Variants in CTSA observed in about 807,000 individuals in gnomAD.
The protein encoded by CTSA is cathepsin A.
A neutral mutation model predicts 66.7 loss-of-function variants in CTSA; 42 were observed. That is an observed-to-expected ratio of 0.63 (90% CI 0.49 to 0.81). The LOEUF (loss-of-function observed/expected upper bound fraction) is 0.81, where lower values mean the gene tolerates loss of function less well. CTSA is among the 40% of genes least tolerant of loss of function. The pLI is 0.00. For missense variants in CTSA, 525 were observed against 610.9 expected, an observed-to-expected ratio of 0.86 and a Z score of 1.48; for synonymous variants, 225 against 248.6, an observed-to-expected ratio of 0.91 and a Z score of 0.89.
intron 10 of CTSA, 23 bp from the exon 11 acceptor site, chr20:45,894,971 G>C: frequency 1.2e-6 from 2 of 1,614,152 alleles, no homozygotes; most frequent in Non-Finnish European, 1.7e-6. Flanking sequence ...CAGAGGCCCT[G>C]ACCCACTGTC....
In CTSA at chr20:45,891,584, C is replaced by T; in HGVS notation, c.16C>T (p.Pro6Ser). Residue 6 changes from proline (P) to serine (S), a missense_variant, in exon 2 of 15, where the codon CCG (proline) becomes TCG (serine). Pro to Ser is a moderately conservative substitution (Grantham distance 74, BLOSUM62 -1). Coordinates refer to ENST00000646241, the MANE Select transcript of CTSA (RefSeq NM_000308.4). This position sits in a 1 kb window ranked among gnomAD's most constrained non-coding sequence, Gnocchi z 4.6. ...CCTCCCGTAGATGATCCGAGCCGCG[C>T]CGCCGCCGCTGTTCCTGCTGCTGCT... is the stretch of plus-strand genomic sequence containing the variant. The part of the protein sequence containing the change: MIRAA[P>S]PPLFLLLLLL... 1 of 1,585,090 alleles carries T rather than the reference C, an allele frequency of 6.3e-7. No homozygotes were observed. The highest frequency in any genetic ancestry group is 8.5e-7 in the Non-Finnish European group (1 of 1,172,690).
Position 45,892,409 on chromosome 20 carries a change from G to C in CTSA, c.369G>C (p.Val123=). 6.2e-7 allele frequency: 1 copy of C among 1,614,200 alleles called. No individual in the cohort carries two copies. Among genetic ancestry groups the C allele is most frequent in the Non-Finnish European group, 8.5e-7 (1 of 1,180,038 alleles). The part of the protein sequence containing the change: ...NPYSWNLIAN[V]LYLESPAGVG... ...TCCCTCCCCTCTAGATTGCCAATGT[G>C]TTATACCTGGAGTCCCCAGCTGGGG... The change falls in exon 5 of 15, where the codon GTG becomes GTC. Residue 123 remains valine (V), a synonymous_variant. Coordinates refer to ENST00000646241, the MANE Select transcript of CTSA (RefSeq NM_000308.4).
At chr20:45,892,162 T>C in intron 3 of CTSA, 111 bp from the exon 4 acceptor site, 1 of 1,439,690 alleles carries the variant, frequency 6.9e-7, no homozygotes, top group Non-Finnish European at 9.8e-7. Context: ...TTGGCTTTGC[T>C]GCCTGTACCT....
At chr20:45,893,918 G>A (rs935129084) in intron 7 of CTSA, 70 bp from the exon 8 acceptor site, 16 of 926,590 alleles carry the variant, frequency 1.7e-5, no homozygotes, top group Middle Eastern at 2.3e-4. Flanking sequence ...GAGGTGGGGG[G>A]TATGCTCGCC....
chr20:45,896,807 G>T, intron 11 of CTSA, 158 bp from the exon 12 acceptor site: 1 of 694,086 alleles, frequency 1.4e-6, no homozygotes, highest in Non-Finnish European at 2.6e-6. Flanking sequence ...CAACATCCAA[G>T]TCAGTCCTAG....
intron 7 of CTSA, 133 bp from the exon 8 acceptor site, chr20:45,893,855 G>T: frequency 1.3e-6 from 1 of 743,028 alleles, no homozygotes; most frequent in South Asian, 1.4e-5. Flanking sequence ...ATGACATACA[G>T]ACCACACCCT....
Position 45,898,309 on chromosome 20 carries a change from C to CAA in CTSA, c.1360-57_1360-56insAA. 2.1e-6 allele frequency: 3 copies of CAA among 1,456,872 alleles called. No homozygotes were observed. The South Asian group carries it at 3.5e-5, about 17-fold the overall frequency. 90.2% of individuals were successfully genotyped at this position (1,456,872 alleles called of 1,614,324 possible). A position where few individuals can be genotyped will look rare whatever the true frequency, so the allele number is the denominator to read the frequency against. ...GATGAAGGAATTGCCCCCGAGTGAGCAGTTATATGGGGAGGAGGGAATGGT... is the reference window on the plus strand; with the variant it reads ...GATGAAGGAATTGCCCCCGAGTGAGCAAAGTTATATGGGGAGGAGGGAATGGT... On this transcript the variant is annotated intron_variant, in intron 14 of 14. Coordinates refer to ENST00000646241, the MANE Select transcript of CTSA (RefSeq NM_000308.4). The surrounding 1 kb of genome is among the most constrained non-coding windows in gnomAD (Gnocchi z 4.6).
chr20:45,898,503 G>A lies in CTSA; in HGVS notation c.*53G>A, dbSNP rs2083139043. 2.0e-6 allele frequency: 3 copies of A among 1,535,494 alleles called. No individual in the cohort carries two copies. Among genetic ancestry groups the A allele is most frequent in the Admixed American group, 1.7e-5 (1 of 59,038 alleles). On this transcript the variant is annotated 3_prime_UTR_variant, in exon 15 of 15. Coordinates refer to ENST00000646241, the MANE Select transcript of CTSA (RefSeq NM_000308.4). The surrounding 1 kb of genome is among the most constrained non-coding windows in gnomAD (Gnocchi z 4.6). ...GATGCAGCCCCTCCCAGCCTCTCCC[G>A]CTAGGAGAGTCCTCTTCTAAGCAAA...
In CTSA at chr20:45,891,804, G is replaced by C; in HGVS notation, c.194+42G>C. The C allele has an allele frequency of 6.2e-7, 1 of 1,613,234 alleles. No individual in the cohort carries two copies. On this transcript the variant is annotated intron_variant, in intron 2 of 14. Coordinates refer to ENST00000646241, the MANE Select transcript of CTSA (RefSeq NM_000308.4). The surrounding 1 kb of genome is among the most constrained non-coding windows in gnomAD (Gnocchi z 4.6). ...TCTGGGCGGGATTGGGAGAAGAGATGACGGATGAGGGATGGGGGGTAGTTC... is the reference window on the plus strand; with the variant it reads ...TCTGGGCGGGATTGGGAGAAGAGATCACGGATGAGGGATGGGGGGTAGTTC...
chr20:45,894,978 T>A lies in CTSA; in HGVS notation c.949-16T>A. ...CAGGGAAGCAGAGGCCCTGACCCAC[T>A]GTCTGTGCCTTCCAGGCACTGCTGC... is the stretch of plus-strand genomic sequence containing the variant. On this transcript the variant is annotated splice_polypyrimidine_tract_variant and intron_variant, in intron 10 of 14. Transcript: ENST00000646241. The A allele has an allele frequency of 6.2e-7, 1 of 1,614,152 alleles. No homozygotes were observed. The highest frequency in any genetic ancestry group is 8.5e-7 in the Non-Finnish European group (1 of 1,179,996).
chr20:45,891,451 T>C lies in CTSA; in HGVS notation c.-1+72T>C. On this transcript the variant is annotated intron_variant, in intron 1 of 14. Transcript: ENST00000646241. The surrounding 1 kb of genome is among the most constrained non-coding windows in gnomAD (Gnocchi z 4.6). ...GTGCGCGGCAGAGGAGGCTCGCGGG[T>C]GGGAGCTGGCGCTGGGGCCGGGGCT... 1 of 1,546,074 alleles carries C rather than the reference T, an allele frequency of 6.5e-7. No homozygotes were observed. The highest frequency in any genetic ancestry group is 8.7e-7 in the Non-Finnish European group (1 of 1,145,156).
In CTSA at chr20:45,898,260, T is replaced by C. The variant is rs2083134275; in HGVS notation, c.1360-107T>C. ...TTTTTTTGGAGAGGGGTGGGGAGGG[T>C]TCTGGGAAGAATAAAGGGTTTGGGA... On this transcript the variant is annotated intron_variant, in intron 14 of 14. Transcript: ENST00000646241. This position sits in a 1 kb window ranked among gnomAD's most constrained non-coding sequence, Gnocchi z 4.6. 2.3e-6 allele frequency: 3 copies of C among 1,323,576 alleles called. No individual in the cohort carries two copies. The Admixed American group carries it at 5.9e-5, about 26-fold the overall frequency. The allele number at this position is 1,323,576 out of a possible 1,614,324, so 82.0% of individuals were successfully genotyped here. A position where few individuals can be genotyped will look rare whatever the true frequency, so the allele number is the denominator to read the frequency against.
At chr20:45,896,340 G>T (rs1355006996) in intron 11 of CTSA, 1 of 176,366 alleles carries the variant, frequency 5.7e-6, no homozygotes, top group Non-Finnish European at 1.2e-5. Context: ...CTACCCTGTT[G>T]TATGTTGTGA....
At position 45,894,664 on chromosome 20, in the gene CTSA, C is replaced by G. The variant is rs1327699022; in HGVS notation, c.792C>G (p.Ala264=). The G allele has an allele frequency of 6.2e-7, 1 of 1,613,936 alleles. No individual in the cohort carries two copies. Among genetic ancestry groups the G allele is most frequent in the Non-Finnish European group, 8.5e-7 (1 of 1,179,968 alleles). The change falls in exon 9 of 15, where the codon GCC becomes GCG. Residue 264 remains alanine, a synonymous_variant. Transcript: ENST00000646241. ...TATCATTGCAGCTTCAGGAAGTGGC[C>G]CGCATCGTGGGCAACTCTGGCCTCA... The part of the protein sequence containing the change: ...LECVTNLQEV[A]RIVGNSGLNI...
rs1987052453 is a variant in CTSA, at chr20:45,892,989, A to T, written c.600+109A>T. 8 of 1,329,020 alleles carry T rather than the reference A, an allele frequency of 6.0e-6. No individual in the cohort carries two copies. In the East Asian group the frequency reaches 1.7e-4, roughly 29 times the overall value. The allele number at this position is 1,329,020 out of a possible 1,614,324, so 82.3% of individuals were successfully genotyped here. A position where few individuals can be genotyped will look rare whatever the true frequency, so the allele number is the denominator to read the frequency against. The stretch of plus-strand genomic sequence containing the variant: ...CCCCATCCAACCCAGCTTCCTGCAT[A>T]ACCTCCCCACCACCGGCTGCCCTAG... On this transcript the variant is annotated intron_variant, in intron 6 of 14. Coordinates refer to ENST00000646241, the MANE Select transcript of CTSA (RefSeq NM_000308.4).
In CTSA at chr20:45,897,151, G is replaced by A. The variant is rs547805761; in HGVS notation, c.1164+111G>A. On this transcript the variant is annotated intron_variant, in intron 12 of 14. Transcript: ENST00000646241. ...TCAGGACAAGGGAAGCTGAAACTCC[G>A]AAAGGCGAAGCCCAGGGTCCTGTGA... is the stretch of plus-strand genomic sequence containing the variant. The A allele has an allele frequency of 8.3e-5, 75 of 906,046 alleles. 2 individuals are homozygous for A. Among genetic ancestry groups the A allele is most frequent in the South Asian group, 2.0e-4 (15 of 76,346 alleles). 56.1% of individuals were successfully genotyped at this position (906,046 alleles called of 1,614,324 possible).
intron 12 of CTSA, 139 bp from the exon 13 acceptor site, chr20:45,897,578 G>A (rs558943211): frequency 3.0e-5 from 21 of 699,078 alleles, no homozygotes; most frequent in East Asian, 1.1e-4. Flanking sequence ...GCAGTAAGTC[G>A]TTAGAAAACA....
chr20:45,893,226 G>C lies in CTSA; in HGVS notation c.607G>C (p.Ala203Pro). Reference protein sequence around the residue: ...QDPSMNLQGLAVGNGLSSYEQ... With the variant: ...QDPSMNLQGLPVGNGLSSYEQ... ...CACCCTGGGTGTTTCACAGGGGCTG[G>C]CTGTGGGCAATGGACTCTCCTCCTA... is the stretch of plus-strand genomic sequence containing the variant. The change falls in exon 7 of 15, where the codon GCT becomes CCT. Residue 203 changes from alanine to proline, a missense_variant. Physicochemically the swap from Ala to Pro is conservative, Grantham distance 27 (BLOSUM62 -1). Around this residue, in one of 3 missense-constraint regions of CTSA, gnomAD observed 246 missense variants for 267.4 expected, o/e 0.92. Coordinates refer to ENST00000646241, the MANE Select transcript of CTSA (RefSeq NM_000308.4). 1 of 1,614,006 alleles carries C rather than the reference G, an allele frequency of 6.2e-7. No homozygotes were observed. The highest frequency in any genetic ancestry group is 8.5e-7 in the Non-Finnish European group (1 of 1,179,882).
At chr20:45,893,058 T>G (rs765732856) in intron 6 of CTSA, 162 bp from the exon 7 acceptor site, 19 of 931,584 alleles carry the variant, frequency 2.0e-5, no homozygotes, top group Non-Finnish European at 3.2e-5. Flanking sequence ...CCTGTCAGGC[T>G]GCCAGCTCTG....
Sources: allele counts gnomAD v4.1 joint callset, GRCh38; gene constraint gnomAD v4.1.1; regional missense constraint gnomAD v4.1.1; non-coding constraint Gnocchi (gnomAD v3.1); transcripts MANE v1.5; gene names NCBI Gene and HGNC (gene_info 2026-07-23, HGNC 2026-07-21).